Variants in GPR89B observed in about 807,000 individuals in gnomAD.
GPR89B encodes G protein-coupled receptor 89B.
GPR89B carries 25 observed loss-of-function variants against 52.4 expected under a neutral mutation model. The observed-to-expected ratio is 0.48, with a 90% CI of 0.35 to 0.67. The LOEUF (loss-of-function observed/expected upper bound fraction) is 0.67, where lower values mean the gene tolerates loss of function less well. Among genes scored for constraint, GPR89B ranks in the 30% least tolerant of loss-of-function variants. The pLI is 0.01. For synonymous variants in GPR89B, 52 were observed against 151.2 expected (o/e 0.34, Z 4.81); for missense variants, 146 against 450.2 (o/e 0.32, Z 6.11).
At chr1:148,002,499 A>T in the GPR89B span, among the ~76,000 whole-genome samples, 1 of 152,182 alleles carries the variant, frequency 6.6e-6, no homozygotes, top group Admixed American at 6.5e-5. Flanking sequence ...CAGAATGAGC[A>T]TGGGCTTTGG....
the GPR89B span, among the ~76,000 whole-genome samples, chr1:148,018,194 G>A: frequency 0.11 from 15,144 of 141,012 alleles, 1,340 homozygotes; most frequent in Non-Finnish European, 0.16. Context: ...CGAGGCGGGC[G>A]GATCACGAGG....
chr1:147,970,512 TC>T (rs1657355914), intron 10 of GPR89B, among the ~76,000 whole-genome samples: 1 of 93,660 alleles, frequency 1.1e-5, no homozygotes, highest in African/African-American at 4.0e-5. Flanking sequence ...TCTCTCTCTC[TC>T]TCTCTCTCTC....
chr1:147,962,956 A>G (rs1179938021), intron 7 of GPR89B, among the ~76,000 whole-genome samples: 2 of 151,058 alleles, frequency 1.3e-5, no homozygotes, highest in African/African-American at 4.9e-5. Flanking sequence ...ACTTTCAGAA[A>G]AAAAAAAAAG....
At chr1:147,995,744 A>G (rs1470806428), downstream of GPR89B, 3 of 1,606,280 alleles carry the variant, frequency 1.9e-6, no homozygotes, top group Non-Finnish European at 2.6e-6. Flanking sequence ...TCCACAGACT[A>G]GAAGTGTGAC....
At position 147,986,224 on chromosome 1, in the gene GPR89B, G is replaced by A. The variant is rs1428579054; in HGVS notation, c.935G>A (p.Arg312Gln). Residue 312 changes from arginine (R) to glutamine (Q), a missense_variant, in exon 11 of 14, where the codon CGA becomes CAA. Arg to Gln is a conservative substitution (Grantham distance 43). Transcript: ENST00000314163. ...FMATINIVFD[R>Q]VGKTDPVTRG... ...GCTACCATCAATATTGTTTTTGATC[G>A]AGTTGGGAAAACGGATCCTGTCACA... 10 of 1,611,264 alleles carry A rather than the reference G, an allele frequency of 6.2e-6. No individual in the cohort carries two copies. The highest frequency in any genetic ancestry group is 2.7e-5 in the African/African-American group (2 of 74,866).
intron 5 of GPR89B, among the ~76,000 whole-genome samples, chr1:147,946,411 A>T (rs1310305133): frequency 6.6e-6 from 1 of 152,076 alleles, no homozygotes; most frequent in Non-Finnish European, 1.5e-5. Flanking sequence ...CTACTTTAAC[A>T]CTCTGGATAG....
chr1:147,933,823 C>T (rs4950501), intron 1 of GPR89B, among the ~76,000 whole-genome samples: 2 of 152,176 alleles, frequency 1.3e-5, no homozygotes, highest in South Asian at 2.1e-4. Context: ...TCTACACTGT[C>T]GCTTCCTTCA....
At chr1:147,941,098 C>T (rs1553248843) in intron 3 of GPR89B, among the ~76,000 whole-genome samples, 6 of 150,812 alleles carry the variant, frequency 4.0e-5, no homozygotes, top group East Asian at 2.0e-4. Context: ...GACTCAGAAT[C>T]GTTTTGAAAA....
chr1:148,002,786 C>G, the GPR89B span, among the ~76,000 whole-genome samples: 2 of 152,142 alleles, frequency 1.3e-5, no homozygotes, highest in South Asian at 4.2e-4. Context: ...CATCATGTGC[C>G]AATTAAACTG....
At position 147,944,018 on chromosome 1, in the gene GPR89B, TTTCCTGTCTC is replaced by T. The variant is rs782052875; in HGVS notation, c.338_347del (p.Ser113TyrfsTer3). ...TCAGTGCATAAACAACGACTGCTTT[TTTCCTGTCTC>T]TTATGGCTGACCTTTATGTATTTCT... is the stretch of plus-strand genomic sequence containing the variant. On this transcript the variant is annotated frameshift_variant, in exon 5 of 14. Coordinates refer to ENST00000314163, the MANE Select transcript of GPR89B (RefSeq NM_016334.5). LOFTEE classifies it high-confidence loss of function. 1.9e-6 allele frequency: 3 copies of T among 1,564,378 alleles called. No homozygotes were observed. Among genetic ancestry groups the T allele is most frequent in the Admixed American group, 2.0e-5 (1 of 48,878 alleles).
chr1:147,943,628 A>C lies in GPR89B; in HGVS notation c.313+84A>C, dbSNP rs1553249291. On this transcript the variant is annotated intron_variant, in intron 4 of 13. Coordinates refer to ENST00000314163, the MANE Select transcript of GPR89B (RefSeq NM_016334.5). ...AAATTGTGGATAGCTTCATTTCTAC[A>C]TTAACTTTCAGTATCTACCGCTATT... 3 of 1,342,420 alleles carry C rather than the reference A, an allele frequency of 2.2e-6. No homozygotes were observed. The Admixed American group carries it at 7.5e-5, about 33-fold the overall frequency. The allele number at this position is 1,342,420 out of a possible 1,614,324, so 83.2% of individuals were successfully genotyped here.
At chr1:148,000,369 A>G in the GPR89B span, among the ~76,000 whole-genome samples, 1 of 151,292 alleles carries the variant, frequency 6.6e-6, no homozygotes, top group Non-Finnish European at 1.5e-5. Flanking sequence ...TTTTCTAGGT[A>G]TGATTGTTCA....
In GPR89B at chr1:147,986,247, A is replaced by C; in HGVS notation, c.958A>C (p.Thr320Pro). 6.2e-7 allele frequency: 1 copy of C among 1,611,472 alleles called. No individual in the cohort carries two copies. The highest frequency in any genetic ancestry group is 8.5e-7 in the Non-Finnish European group (1 of 1,179,522). ...FDRVGKTDPV[T>P]RGIEITVNYL... ...TCGAGTTGGGAAAACGGATCCTGTC[A>C]CAAGAGGCATTGAGATCACTGTGAA... Residue 320 changes from threonine to proline, a missense_variant, in exon 11 of 14, where the codon ACA becomes CCA. Thr to Pro is a conservative substitution (Grantham distance 38). Transcript: ENST00000314163.
At chr1:147,945,503 T>G (rs1288124104) in intron 5 of GPR89B, among the ~76,000 whole-genome samples, 1 of 152,246 alleles carries the variant, frequency 6.6e-6, no homozygotes, top group Non-Finnish European at 1.5e-5. Flanking sequence ...TCAGAGGAGA[T>G]ATGCAGTTTT....
intron 10 of GPR89B, among the ~76,000 whole-genome samples, chr1:147,977,693 C>CT (rs1657945676): frequency 6.7e-6 from 1 of 149,232 alleles, no homozygotes; most frequent in East Asian, 2.0e-4. Context: ...CCTTTTCATT[C>CT]TTTTTTCTCT....
intron 10 of GPR89B, among the ~76,000 whole-genome samples, chr1:147,982,049 CT>C (rs1658294870): frequency 6.6e-6 from 1 of 150,858 alleles, no homozygotes; most frequent in African/African-American, 2.5e-5. Flanking sequence ...TATGTTTAAC[CT>C]TTTTATTTAT....
chr1:147,946,239 C>T (rs1654964267), intron 5 of GPR89B, among the ~76,000 whole-genome samples: 1 of 152,132 alleles, frequency 6.6e-6, no homozygotes, highest in African/African-American at 2.4e-5. Context: ...CTAACTTCCT[C>T]ATCAACCTAT....
chr1:147,935,294 T>C (rs1571220188), intron 1 of GPR89B, among the ~76,000 whole-genome samples: 1 of 151,934 alleles, frequency 6.6e-6, no homozygotes, highest in African/African-American at 2.4e-5. Context: ...GCTGAACACA[T>C]GAGTTTGCTA....
chr1:147,996,666 T>C, downstream of GPR89B: 1 of 1,611,186 alleles, frequency 6.2e-7, no homozygotes, highest in Non-Finnish European at 8.5e-7. Flanking sequence ...TCCAGAGAAG[T>C]GGGAGTAGGA....
Sources: gnomAD v4.1 joint callset for allele counts (sites outside exome capture counted in the v4.1 genomes callset) on GRCh38, gnomAD v4.1.1 for gene constraint, MANE v1.5 for transcripts, NCBI Gene and HGNC (gene_info 2026-07-23, HGNC 2026-07-21) for gene names.